The following SUSD3 variants were observed in gnomAD, a reference collection of about 807,000 sequenced individuals.
SUSD3 encodes sushi domain containing 3, also known as sushi domain-containing protein 3.
A neutral mutation model predicts 20.6 loss-of-function variants in SUSD3; 18 were observed. The observed-to-expected ratio is 0.87, with a 90% CI of 0.60 to 1.30. The LOEUF (loss-of-function observed/expected upper bound fraction) is 1.30. SUSD3 is among the 50% of genes most tolerant of loss of function. SUSD3 has a pLI of 0.00. For missense variants in SUSD3, 306 were observed against 346.9 expected, an observed-to-expected ratio of 0.88 and a Z score of 0.94; for synonymous variants, 137 against 141.5, an observed-to-expected ratio of 0.97 and a Z score of 0.23.
At chr9:93,068,965 C>T (rs766041301) in intron 1 of SUSD3, 18 of 544,186 alleles carry the variant, frequency 3.3e-5, no homozygotes, top group Admixed American at 2.2e-4. Flanking sequence ...ATAAGTTATA[C>T]CAATTATAAC....
intron 1 of SUSD3, among the ~76,000 whole-genome samples, chr9:93,063,586 C>T (rs1428536905): frequency 6.6e-6 from 1 of 152,164 alleles, no homozygotes; most frequent in African/African-American, 2.4e-5. Context: ...AGAGAGGCCA[C>T]AGGAACATGA....
intron 1 of SUSD3, among the ~76,000 whole-genome samples, chr9:93,068,179 G>T (rs1211106141): frequency 6.6e-6 from 1 of 152,118 alleles, no homozygotes; most frequent in African/African-American, 2.4e-5. Context: ...TTTATTGAAT[G>T]TCCTTTAAAG....
chr9:93,077,998 G>A lies in SUSD3; in HGVS notation c.425+5G>A, dbSNP rs377303920. The A allele has an allele frequency of 1.3e-5, 21 of 1,614,150 alleles. No individual in the cohort carries two copies. The highest frequency in any genetic ancestry group is 1.7e-4 in the Middle Eastern group (1 of 6,060). ...CAAGCGGCGGCGCTCCAACAGGTAC[G>A]GTGGCCTCATGATCTCAGGGTCCTC... On this transcript the variant is annotated splice_donor_5th_base_variant and intron_variant, in intron 3 of 4. Transcript: ENST00000375472.
In SUSD3 at chr9:93,060,424, C is replaced by T. The variant is rs968291811; in HGVS notation, c.88+1594C>T. 4.6e-5 allele frequency among the ~76,000 whole-genome samples: 7 copies of T among 152,232 alleles called. No homozygotes were observed. In the East Asian group the frequency reaches 1.4e-3, roughly 29 times the overall value. ...TACTTGTTCTGGTGCAGGGATGATG[C>T]CATCATCTGGACTCCATCACTCCCC... On this transcript the variant is annotated intron_variant, in intron 1 of 4. Coordinates refer to ENST00000375472, the MANE Select transcript of SUSD3 (RefSeq NM_145006.4).
intron 1 of SUSD3, among the ~76,000 whole-genome samples, chr9:93,060,769 C>T (rs1050887904): frequency 2.6e-5 from 4 of 152,130 alleles, no homozygotes; most frequent in East Asian, 3.9e-4. Context: ...GTCCAGAGTT[C>T]GAGGCTACAG....
intron 1 of SUSD3, 53 bp from the exon 2 acceptor site, chr9:93,075,731 T>TGGGGGGGGGGG: frequency 1.8e-5 from 7 of 398,888 alleles, no homozygotes; most frequent in East Asian, 4.8e-5. Flanking sequence ...AGCCCTGCCC[T>TGGGGGGGGGGG]GCGTGCCCAC....
At chr9:93,058,908 G>A (rs1825388895) in intron 1 of SUSD3, 78 bp downstream of exon 1, 1 of 897,600 alleles carries the variant, frequency 1.1e-6, no homozygotes, top group South Asian at 3.9e-5. Flanking sequence ...GGAGGGGGTC[G>A]CGGGGCCGCA....
chr9:93,075,735 T>TTCCCCCCCCCCC, intron 1 of SUSD3, 49 bp from the exon 2 acceptor site: 33 of 247,420 alleles, frequency 1.3e-4, no homozygotes, highest in South Asian at 2.8e-4. Context: ...CTGCCCTGCG[T>TTCCCCCCCCCCC]GCCCACCCCC....
In SUSD3 at chr9:93,075,743, C is replaced by G. The variant is rs56653934; in HGVS notation, c.89-41C>G. On this transcript the variant is annotated intron_variant, in intron 1 of 4. Coordinates refer to ENST00000375472, the MANE Select transcript of SUSD3 (RefSeq NM_145006.4). ...CCCAGCCCTGCCCTGCGTGCCCACC[C>G]CCCCCCCCCCGCCATGCCTCATACC... is the stretch of plus-strand genomic sequence containing the variant. The G allele has an allele frequency of 1.1e-3, 168 of 149,394 alleles. 5 individuals carry two copies. Among genetic ancestry groups the G allele is most frequent in the South Asian group, 8.6e-3 (129 of 15,036 alleles). 9.3% of individuals were successfully genotyped at this position (149,394 alleles called of 1,614,324 possible).
At chr9:93,070,182 T>C (rs1409363168) in intron 1 of SUSD3, among the ~76,000 whole-genome samples, 1 of 152,254 alleles carries the variant, frequency 6.6e-6, no homozygotes. Flanking sequence ...ACAAATCTCC[T>C]ATTACATATA....
chr9:93,067,543 T>C (rs1825762167), intron 1 of SUSD3, among the ~76,000 whole-genome samples: 2 of 152,160 alleles, frequency 1.3e-5, no homozygotes. Flanking sequence ...CCCAAACTAG[T>C]AGCTTCTGAG....
intron 4 of SUSD3, among the ~76,000 whole-genome samples, chr9:93,079,956 T>C (rs533327017): frequency 6.6e-6 from 1 of 152,232 alleles, no homozygotes; most frequent in African/African-American, 2.4e-5. Context: ...TCCCTCTCCT[T>C]TCTCTCTCTC....
chr9:93,062,312 A>G (rs1336882880), intron 1 of SUSD3, among the ~76,000 whole-genome samples: 2 of 152,156 alleles, frequency 1.3e-5, no homozygotes, highest in African/African-American at 4.8e-5. Context: ...TTTATTTTGT[A>G]TCTTGTTTGC....
At chr9:93,075,120 A>G (rs796782409) in intron 1 of SUSD3, among the ~76,000 whole-genome samples, 9 of 152,134 alleles carry the variant, frequency 5.9e-5, no homozygotes, top group African/African-American at 1.9e-4. Flanking sequence ...CATTTCCTCA[A>G]TTGCCTGTGG....
intron 1 of SUSD3, among the ~76,000 whole-genome samples, chr9:93,072,264 C>T (rs1825940022): frequency 6.6e-6 from 1 of 152,220 alleles, no homozygotes; most frequent in Non-Finnish European, 1.5e-5. Context: ...GCCTCAACCC[C>T]TCCTGAGGGC....
chr9:93,077,819 A>G, intron 2 of SUSD3, 27 bp from the exon 3 acceptor site: 6 of 1,613,438 alleles, frequency 3.7e-6, no homozygotes, highest in Non-Finnish European at 5.1e-6. Flanking sequence ...AACCTCGCCC[A>G]GGAGCTGGTG....
intron 1 of SUSD3, 48 bp from the exon 2 acceptor site, chr9:93,075,736 G>GGGGCCCCCCCCC: frequency 3.7e-6 from 1 of 272,216 alleles, no homozygotes; most frequent in Non-Finnish European, 6.2e-6. Flanking sequence ...TGCCCTGCGT[G>GGGGCCCCCCCCC]CCCACCCCCC....
chr9:93,081,717 C>G (rs572013316), intron 4 of SUSD3, among the ~76,000 whole-genome samples: 2 of 152,318 alleles, frequency 1.3e-5, no homozygotes, highest in East Asian at 3.9e-4. Flanking sequence ...GTGTGTATTA[C>G]ATCAACAAGG....
intron 1 of SUSD3, chr9:93,069,009 C>G: frequency 1.7e-6 from 1 of 590,918 alleles, no homozygotes; most frequent in Non-Finnish European, 3.1e-6. Context: ...TGAATGTGGT[C>G]TCTCTCTCTC....
Sources: gnomAD v4.1 joint callset for allele counts (sites outside exome capture counted in the v4.1 genomes callset) on GRCh38, gnomAD v4.1.1 for gene constraint, MANE v1.5 for transcripts, NCBI Gene and HGNC (gene_info 2026-07-23, HGNC 2026-07-21) for gene names.